C1orf185: variants seen among roughly 807,000 people sequenced by gnomAD.
C1orf185 encodes the protein uncharacterized protein C1orf185.
C1orf185 carries 13 observed loss-of-function variants against 16.1 expected under a neutral mutation model. The observed-to-expected ratio is 0.81, with a 90% confidence interval of 0.53 to 1.28. The LOEUF (loss-of-function observed/expected upper bound fraction) is 1.28. Ranked by LOEUF, C1orf185 falls within the 50% of genes most tolerant of loss-of-function variation. C1orf185 has a pLI of 0.00. For missense variants in C1orf185, 220 were observed against 225.2 expected, an observed-to-expected ratio of 0.98 and a Z score of 0.15; for synonymous variants, 80 against 76.9, an observed-to-expected ratio of 1.04 and a Z score of -0.21.
chr1:51,152,237 G>A (rs536275404), downstream of C1orf185, among the ~76,000 whole-genome samples: 143 of 152,300 alleles, frequency 9.4e-4, no homozygotes, highest in Middle Eastern at 6.8e-3. Context: ...ACATAGGGCG[G>A]AGGAGTAAGG....
intron 1 of C1orf185, among the ~76,000 whole-genome samples, chr1:51,105,348 TAA>T (rs551029416): frequency 6.9e-6 from 1 of 145,108 alleles, no homozygotes. Context: ...TATGCAGCCT[TAA>T]AAAAAAAAAA....
chr1:51,120,523 T>A (rs1646190443), intron 3 of C1orf185, among the ~76,000 whole-genome samples: 5 of 152,234 alleles, frequency 3.3e-5, no homozygotes, highest in Admixed American at 3.3e-4. Context: ...TTATTTTTAC[T>A]GGAAGATTTT....
intron 1 of C1orf185, among the ~76,000 whole-genome samples, chr1:51,110,419 T>G (rs1467215885): frequency 6.6e-6 from 1 of 152,216 alleles, no homozygotes; most frequent in African/African-American, 2.4e-5. Context: ...TTTGTACCAC[T>G]AATTAATTCC....
intron 2 of C1orf185, among the ~76,000 whole-genome samples, chr1:51,112,927 C>A (rs2148012183): frequency 6.6e-6 from 1 of 151,960 alleles, no homozygotes; most frequent in Non-Finnish European, 1.5e-5. Flanking sequence ...TCAAGCGATT[C>A]TCCTGACTCA....
intron 1 of C1orf185, among the ~76,000 whole-genome samples, chr1:51,109,325 CGA>C (rs1193123610): frequency 6.6e-6 from 1 of 152,114 alleles, no homozygotes; most frequent in Non-Finnish European, 1.5e-5. Context: ...CCTTGTCAGA[CGA>C]ATGGTTTGCA....
At chr1:51,144,187 C>T (rs1016587100) in intron 3 of C1orf185, among the ~76,000 whole-genome samples, 2 of 152,118 alleles carry the variant, frequency 1.3e-5, no homozygotes, top group Admixed American at 6.5e-5. Flanking sequence ...ATTACCTAGG[C>T]GAGCCTATTA....
intron 3 of C1orf185, among the ~76,000 whole-genome samples, chr1:51,126,120 G>A (rs1156433741): frequency 6.6e-6 from 1 of 152,166 alleles, no homozygotes; most frequent in Non-Finnish European, 1.5e-5. Flanking sequence ...CACATATCAG[G>A]CATGATTGGT....
At chr1:51,130,724 T>A (rs1479994374) in intron 3 of C1orf185, among the ~76,000 whole-genome samples, 1 of 151,732 alleles carries the variant, frequency 6.6e-6, no homozygotes, top group East Asian at 1.9e-4. Flanking sequence ...GGACTCTGAG[T>A]TCTATTTCAT....
chr1:51,132,194 C>T (rs190851461), intron 3 of C1orf185, among the ~76,000 whole-genome samples: 88 of 152,310 alleles, frequency 5.8e-4, no homozygotes, highest in African/African-American at 2.0e-3. Flanking sequence ...AGCCTTCTTT[C>T]CTCCAAATGA....
intron 3 of C1orf185, among the ~76,000 whole-genome samples, chr1:51,119,377 G>A (rs146756454): frequency 5.3e-5 from 8 of 152,346 alleles, no homozygotes; most frequent in East Asian, 1.9e-4. Context: ...AACTACAATA[G>A]CTAAGCAAAA....
chr1:51,128,584 TCAGGAGGCTGAGG>T (rs1646259574), intron 3 of C1orf185, among the ~76,000 whole-genome samples: 1 of 151,946 alleles, frequency 6.6e-6, no homozygotes, highest in Non-Finnish European at 1.5e-5. Flanking sequence ...TCCCAGCTTG[TCAGGAGGCTGAGG>T]CAGGATAATC....
chr1:51,112,485 A>G lies in C1orf185; in HGVS notation c.38A>G (p.Tyr13Cys). Reference sequence around the variant, plus strand: ...ATAGGTTTTTTTAATTACTTGACCTATTTTCTTGCTGCTGGTGCTGTCACT... The same window carrying G: ...ATAGGTTTTTTTAATTACTTGACCTGTTTTCTTGCTGCTGGTGCTGTCACT... ...SPKGFFNYLT[Y>C]FLAAGAVTLG... The change falls in exon 2 of 5, where the codon TAT becomes TGT. Residue 13 changes from tyrosine (Y) to cysteine (C), a missense_variant. Tyr to Cys is a radical substitution (Grantham distance 194). Transcript: ENST00000371759. 6.5e-7 allele frequency: 1 copy of G among 1,548,818 alleles called. No homozygotes were observed.
intron 3 of C1orf185, among the ~76,000 whole-genome samples, chr1:51,131,401 G>T (rs911760464): frequency 6.6e-6 from 1 of 152,128 alleles, no homozygotes; most frequent in Non-Finnish European, 1.5e-5. Context: ...TTAGTCAGTG[G>T]TAAGAGCTAC....
intron 3 of C1orf185, among the ~76,000 whole-genome samples, chr1:51,133,836 A>T (rs536276386): frequency 2.3e-4 from 35 of 152,374 alleles, no homozygotes; most frequent in African/African-American, 7.2e-4. Flanking sequence ...ACAGTTGCTC[A>T]TGCCTGTAAT....
At chr1:51,113,056 C>T (rs764330001) in intron 2 of C1orf185, among the ~76,000 whole-genome samples, 8 of 151,528 alleles carry the variant, frequency 5.3e-5, no homozygotes, top group Non-Finnish European at 8.8e-5. Flanking sequence ...TGACCTCAGA[C>T]GATCCGCCCG....
chr1:51,126,076 G>A (rs779993529), intron 3 of C1orf185, among the ~76,000 whole-genome samples: 8 of 152,104 alleles, frequency 5.3e-5, no homozygotes, highest in Non-Finnish European at 8.8e-5. Context: ...GGTTCTGCAC[G>A]TGGTTAATTT....
intron 2 of C1orf185, among the ~76,000 whole-genome samples, chr1:51,114,594 A>G (rs1436291909): frequency 2.0e-5 from 3 of 152,134 alleles, no homozygotes; most frequent in African/African-American, 7.2e-5. Flanking sequence ...ATGGTGGTAC[A>G]CGCCTGTAAC....
chr1:51,145,781 A>G, intron 4 of C1orf185, 21 bp downstream of exon 4: 1 of 1,225,736 alleles, frequency 8.2e-7, no homozygotes, highest in Non-Finnish European at 1.1e-6. Context: ...TCAATAATTT[A>G]TTAGAAGAAA....
At chr1:51,117,462 A>G (rs919434563) in intron 2 of C1orf185, among the ~76,000 whole-genome samples, 1 of 152,102 alleles carries the variant, frequency 6.6e-6, no homozygotes, top group Non-Finnish European at 1.5e-5. Flanking sequence ...CCATTATAGT[A>G]TCACACAGAG....
Sources: allele counts gnomAD v4.1 joint callset (sites outside exome capture counted in the v4.1 genomes callset), GRCh38; gene constraint gnomAD v4.1.1; transcripts MANE v1.5; gene names NCBI Gene and HGNC (gene_info 2026-07-23, HGNC 2026-07-21).